Variants in MAGI1 observed in about 807,000 individuals in gnomAD.
The protein encoded by MAGI1 is membrane associated guanylate kinase, WW and PDZ domain containing 1.
MAGI1 carries 58 observed loss-of-function variants against 139.9 expected under a neutral mutation model. That is an observed-to-expected ratio of 0.41 (90% confidence interval 0.34 to 0.52). The LOEUF is 0.52. Among genes scored for constraint, MAGI1 ranks in the 20% least tolerant of loss-of-function variants. The pLI is 0.12. For synonymous variants in MAGI1, 812 were observed against 737.9 expected, an observed-to-expected ratio of 1.10 and a Z score of -1.63; for missense variants, 1,874 against 1,901.6, an observed-to-expected ratio of 0.99 and a Z score of 0.27.
At chr3:65,951,766 G>C (rs533466798) in intron 1 of MAGI1, among the ~76,000 whole-genome samples, 20 of 152,246 alleles carry the variant, frequency 1.3e-4, no homozygotes, top group African/African-American at 4.8e-4. Flanking sequence ...TTTTACGCAT[G>C]GAGTTCTTTG....
intron 2 of MAGI1, among the ~76,000 whole-genome samples, chr3:65,601,098 T>C (rs545215687): frequency 5.3e-5 from 8 of 152,330 alleles, no homozygotes; most frequent in Non-Finnish European, 1.2e-4. Flanking sequence ...TAAGTATTAT[T>C]ACTGGCACAT....
At chr3:65,710,493 T>C (rs1576833958) in intron 1 of MAGI1, among the ~76,000 whole-genome samples, 2 of 152,000 alleles carry the variant, frequency 1.3e-5, no homozygotes, top group South Asian at 4.2e-4. Flanking sequence ...TTGAGGCTGG[T>C]CTCGAACTCC....
intron 1 of MAGI1, among the ~76,000 whole-genome samples, chr3:65,690,016 G>A (rs1325637975): frequency 6.6e-6 from 1 of 152,060 alleles, no homozygotes; most frequent in Admixed American, 6.6e-5. Context: ...CAATGAGGTT[G>A]ACCCTACTCC....
intron 1 of MAGI1, among the ~76,000 whole-genome samples, chr3:65,830,597 T>C (rs1364922187): frequency 2.0e-5 from 3 of 152,318 alleles, no homozygotes; most frequent in Non-Finnish European, 2.9e-5. Flanking sequence ...TCCTTATCAA[T>C]AGAGGTGCCT....
At chr3:65,684,167 C>CA (rs1163089641) in intron 1 of MAGI1, among the ~76,000 whole-genome samples, 1,124 of 79,238 alleles carry the variant, frequency 0.014, 13 homozygotes, top group Admixed American at 0.055. Flanking sequence ...GAGACTGTCT[C>CA]AAAAAAAAAA....
At chr3:65,370,163 C>A (rs1941844153) in intron 18 of MAGI1, among the ~76,000 whole-genome samples, 1 of 152,068 alleles carries the variant, frequency 6.6e-6, no homozygotes, top group South Asian at 2.1e-4. Context: ...TTCTCAGACC[C>A]ACTTAAAATA....
intron 1 of MAGI1, among the ~76,000 whole-genome samples, chr3:65,776,656 A>G (rs930833929): frequency 1.2e-4 from 18 of 152,162 alleles, no homozygotes; most frequent in East Asian, 5.8e-4. Context: ...AGGCATCCCA[A>G]TGAAAAAGAA....
At chr3:65,519,942 T>C (rs929104298) in intron 2 of MAGI1, among the ~76,000 whole-genome samples, 1 of 152,196 alleles carries the variant, frequency 6.6e-6, no homozygotes, top group Non-Finnish European at 1.5e-5. Context: ...GTGAGAAGAA[T>C]ACTTGCAGCT....
rs550933399 is a variant in MAGI1 at position 66,028,639 on chromosome 3, G to A, written c.313+9357C>T. Among the ~76,000 whole-genome samples the A allele has an allele frequency of 4.6e-5, 7 of 152,040 alleles. No homozygotes were observed. The East Asian group carries it at 1.4e-3, about 30-fold the overall frequency. On this transcript the variant is annotated intron_variant, in intron 1 of 22. Coordinates refer to ENST00000402939, the MANE Select transcript of MAGI1 (RefSeq NM_001033057.2). Reference sequence around the variant, plus strand: ...TGATGGTAAAAGCCTGCCTGAACACGCAAGAACTCGCCCTCCCTCCACACT... The same window carrying A: ...TGATGGTAAAAGCCTGCCTGAACACACAAGAACTCGCCCTCCCTCCACACT...
intron 2 of MAGI1, among the ~76,000 whole-genome samples, chr3:65,544,890 A>G (rs1286295672): frequency 6.6e-6 from 1 of 152,220 alleles, no homozygotes; most frequent in African/African-American, 2.4e-5. Context: ...AGATTAAGTA[A>G]TACATGTGAG....
intron 12 of MAGI1, among the ~76,000 whole-genome samples, chr3:65,415,001 C>T (rs1400850582): frequency 7.2e-6 from 1 of 139,520 alleles, no homozygotes; most frequent in Non-Finnish European, 1.5e-5. Flanking sequence ...TGCACTCCAG[C>T]CTGGGAAAAA....
At chr3:65,951,652 G>A (rs1362968956) in intron 1 of MAGI1, among the ~76,000 whole-genome samples, 1 of 152,056 alleles carries the variant, frequency 6.6e-6, no homozygotes, top group East Asian at 1.9e-4. Context: ...GTAGCTACCA[G>A]ACAATTTTAA....
At chr3:65,470,955 A>G (rs1313288950) in intron 4 of MAGI1, among the ~76,000 whole-genome samples, 1 of 152,242 alleles carries the variant, frequency 6.6e-6, no homozygotes, top group Non-Finnish European at 1.5e-5. Context: ...AAACGATTTT[A>G]TAAGTTATTT....
At chr3:65,872,820 C>T (rs1205872193) in intron 1 of MAGI1, 1 of 152,048 alleles carries the variant, frequency 6.6e-6, no homozygotes, top group Middle Eastern at 3.2e-3. Context: ...AGAGTACATA[C>T]CATAGTTTTT....
At chr3:65,536,796 G>A (rs566406094) in intron 2 of MAGI1, among the ~76,000 whole-genome samples, 12 of 152,158 alleles carry the variant, frequency 7.9e-5, no homozygotes, top group Non-Finnish European at 1.6e-4. Flanking sequence ...AAGCTTCAAG[G>A]ATGGGACTCT....
At chr3:65,462,962 T>C (rs963197001) in intron 5 of MAGI1, among the ~76,000 whole-genome samples, 1 of 152,210 alleles carries the variant, frequency 6.6e-6, no homozygotes, top group Non-Finnish European at 1.5e-5. Context: ...TTTTTGCACA[T>C]TGATTTTGTA....
At chr3:65,892,432 G>A (rs982557230) in intron 1 of MAGI1, among the ~76,000 whole-genome samples, 3 of 152,150 alleles carry the variant, frequency 2.0e-5, no homozygotes, top group Admixed American at 2.0e-4. Context: ...AATAATAGCA[G>A]AATCAGATTT....
At chr3:65,463,580 G>A (rs908472149) in intron 5 of MAGI1, among the ~76,000 whole-genome samples, 2 of 151,214 alleles carry the variant, frequency 1.3e-5, no homozygotes, top group Non-Finnish European at 2.9e-5. Context: ...GTGTGTGTGT[G>A]TGTGTGTGTG....
chr3:66,022,296 C>T (rs1436363812), intron 1 of MAGI1, among the ~76,000 whole-genome samples: 3 of 152,124 alleles, frequency 2.0e-5, no homozygotes, highest in African/African-American at 7.2e-5. Context: ...TTCCCTATGG[C>T]AGTATTTTCC....
Sources: allele counts gnomAD v4.1 joint callset (sites outside exome capture counted in the v4.1 genomes callset), GRCh38; gene constraint gnomAD v4.1.1; transcripts MANE v1.5; gene names NCBI Gene and HGNC (gene_info 2026-07-23, HGNC 2026-07-21).